Variants in ANKRD28 observed in about 807,000 individuals in gnomAD.
ANKRD28 encodes the protein ankyrin repeat domain 28, also known as serine/threonine-protein phosphatase 6 regulatory ankyrin repeat subunit A.
A neutral mutation model predicts 126.5 loss-of-function variants in ANKRD28; 44 were observed. That is an observed-to-expected ratio of 0.35 (90% confidence interval 0.27 to 0.45). The LOEUF is 0.45. ANKRD28 is among the 20% of genes least tolerant of loss of function. ANKRD28 has a pLI of 1.00. For synonymous variants in ANKRD28, 442 were observed against 468.5 expected (o/e 0.94, Z 0.73); for missense variants, 1,110 against 1,316.6 (o/e 0.84, Z 2.43).
chr3:15,796,643 G>GT lies in ANKRD28; in HGVS notation c.-123dup, dbSNP rs34139082. ...AACATTCTCTGAACAGCACAGCTGG[G>GT]TTTTTTTTTTTTTTAAAGTTAATAA... On this transcript the variant is annotated 5_prime_UTR_variant, in exon 1 of 28. Coordinates refer to ENST00000683139, the MANE Select transcript of ANKRD28 (RefSeq NM_001349278.2). The GT allele has an allele frequency of 0.13, 116,770 of 866,194 alleles. 1,001 individuals carry two copies. The highest frequency in any genetic ancestry group is 0.16 in the Middle Eastern group (277 of 1,768). 53.7% of individuals were successfully genotyped at this position (866,194 alleles called of 1,614,324 possible). A position where few individuals can be genotyped will look rare whatever the true frequency, so the allele number is the denominator to read the frequency against.
chr3:15,743,103 T>C (rs927210498), intron 4 of ANKRD28, among the ~76,000 whole-genome samples: 2 of 152,092 alleles, frequency 1.3e-5, no homozygotes, highest in African/African-American at 4.8e-5. Flanking sequence ...CTGAAACATG[T>C]GCTGTGTCCA....
intron 1 of ANKRD28, among the ~76,000 whole-genome samples, chr3:15,841,753 T>C (rs960566877): frequency 6.6e-6 from 1 of 152,166 alleles, no homozygotes; most frequent in African/African-American, 2.4e-5. Flanking sequence ...TTAAAATGGC[T>C]TTTATCCAAA....
chr3:15,823,924 G>T lies in ANKRD28; in HGVS notation c.28-28618C>A, dbSNP rs144002340. Among the ~76,000 whole-genome samples, 3 of 150,936 alleles carry T rather than the reference G, an allele frequency of 2.0e-5. No individual in the cohort carries two copies. In the East Asian group the frequency reaches 6.3e-4, roughly 31 times the overall value. On this transcript the variant is annotated intron_variant, in intron 1 of 27. Coordinates refer to the ANKRD28 transcript ENST00000399451. ...GAACTTCTTTACCATGATAAAGATC[G>T]TTTATTTAAAAACCCACAGCTAATA...
chr3:15,695,727 C>T (rs1171681792), intron 15 of ANKRD28, among the ~76,000 whole-genome samples: 1 of 152,010 alleles, frequency 6.6e-6, no homozygotes, highest in African/African-American at 2.4e-5. Flanking sequence ...GTGGAGTCTC[C>T]CTTGTTAGGA....
chr3:15,685,766 C>G (rs1245174431), intron 20 of ANKRD28, among the ~76,000 whole-genome samples: 1 of 152,106 alleles, frequency 6.6e-6, no homozygotes, highest in South Asian at 2.1e-4. Context: ...GTCAAATTGA[C>G]ATTAATTCTA....
intron 21 of ANKRD28, among the ~76,000 whole-genome samples, chr3:15,680,781 T>C (rs2067460522): frequency 6.6e-6 from 1 of 152,112 alleles, no homozygotes; most frequent in African/African-American, 2.4e-5. Flanking sequence ...TCCTCCCACC[T>C]CAGCCTCCTG....
At chr3:15,836,457 A>T (rs533854072) in intron 1 of ANKRD28, among the ~76,000 whole-genome samples, 28 of 152,164 alleles carry the variant, frequency 1.8e-4, no homozygotes, top group Non-Finnish European at 3.5e-4. Flanking sequence ...AACAAATAGC[A>T]ACTGAGATAC....
intron 18 of ANKRD28, among the ~76,000 whole-genome samples, chr3:15,687,623 G>A (rs2068285035): frequency 6.6e-6 from 1 of 151,670 alleles, no homozygotes; most frequent in Non-Finnish European, 1.5e-5. Flanking sequence ...CAAGCTAGGT[G>A]CTGAATATTC....
intron 2 of ANKRD28, among the ~76,000 whole-genome samples, chr3:15,768,862 C>T (rs1308502428): frequency 2.0e-5 from 3 of 152,028 alleles, no homozygotes; most frequent in African/African-American, 7.2e-5. Context: ...AGCACAAGAC[C>T]TTGTTTTTTA....
rs2061687982 is a variant in ANKRD28 at position 15,853,161 on chromosome 3, A to G, written c.27+6216T>C. Among the ~76,000 whole-genome samples, 1 of 152,214 alleles carries G rather than the reference A, an allele frequency of 6.6e-6. No homozygotes were observed. Among genetic ancestry groups the G allele is most frequent in the African/African-American group, 2.4e-5 (1 of 41,462 alleles). On this transcript the variant is annotated intron_variant, in intron 1 of 27. Coordinates refer to the ANKRD28 transcript ENST00000399451. The surrounding 1 kb of genome is among the most constrained non-coding windows in gnomAD (Gnocchi z 4.2). ...TAAAACATTACTGTTTTAAGTAACT[A>G]ATAATTTCATTAATTTTGGCTTTAA... is the stretch of plus-strand genomic sequence containing the variant.
intron 4 of ANKRD28, among the ~76,000 whole-genome samples, chr3:15,747,383 G>C (rs2057546411): frequency 6.6e-6 from 1 of 152,078 alleles, no homozygotes; most frequent in Non-Finnish European, 1.5e-5. Context: ...CAGAGGTTTT[G>C]ATAGGTTGTG....
chr3:15,710,711 G>T (rs2072152046), intron 12 of ANKRD28, among the ~76,000 whole-genome samples: 1 of 152,122 alleles, frequency 6.6e-6, no homozygotes, highest in African/African-American at 2.4e-5. Context: ...TTGCTCGTAT[G>T]AACCAACTGC....
At chr3:15,776,538 G>A (rs1364623779) in intron 2 of ANKRD28, among the ~76,000 whole-genome samples, 2 of 152,066 alleles carry the variant, frequency 1.3e-5, no homozygotes, top group Non-Finnish European at 2.9e-5. Context: ...TATTGCTTGG[G>A]GAAGAATAAG....
chr3:15,831,841 C>CCT (rs2061199031), intron 1 of ANKRD28, among the ~76,000 whole-genome samples: 1 of 152,160 alleles, frequency 6.6e-6, no homozygotes, highest in South Asian at 2.1e-4. Flanking sequence ...GAAGGAGAAG[C>CCT]CTCTAACAAT....
intron 5 of ANKRD28, among the ~76,000 whole-genome samples, chr3:15,735,883 T>C (rs1397704299): frequency 1.3e-5 from 2 of 152,220 alleles, no homozygotes; most frequent in Non-Finnish European, 1.5e-5. Context: ...AACACAAACA[T>C]AGTGCCTACA....
chr3:15,838,803 C>G lies in ANKRD28; in HGVS notation c.27+20574G>C, dbSNP rs2061375230. Among the ~76,000 whole-genome samples, 3 of 151,624 alleles carry G rather than the reference C, an allele frequency of 2.0e-5. No individual in the cohort carries two copies. The highest frequency in any genetic ancestry group is 2.1e-4 in the South Asian group (1 of 4,812). ...GTTAAAACGTGTCCATACACAGACT[C>G]ATACATGAATATTCATAGCAGTATT... On this transcript the variant is annotated intron_variant, in intron 1 of 27. Transcript: ENST00000399451. This position sits in a 1 kb window ranked among gnomAD's most constrained non-coding sequence, Gnocchi z 4.0.
chr3:15,705,710 T>C (rs1032651894), intron 14 of ANKRD28, among the ~76,000 whole-genome samples: 6 of 152,176 alleles, frequency 3.9e-5, no homozygotes, highest in African/African-American at 1.4e-4. Flanking sequence ...CCTTTAAGAT[T>C]AGAATTTTAG....
At position 15,679,561 on chromosome 3, in the gene ANKRD28, G is replaced by T; in HGVS notation, c.2392C>A (p.His798Asn). The change falls in exon 22 of 28, where the codon CAC becomes AAC. Residue 798 changes from histidine to asparagine, a missense_variant and splice_region_variant. By Grantham distance (68) the His-to-Asn change is moderately conservative. Coordinates refer to ENST00000683139, the MANE Select transcript of ANKRD28 (RefSeq NM_001349278.2). ...TALHWACYNG[H>N]ETCVELLLEQ... is the part of the protein sequence containing the mutation. ...AAAAGCAGTTCTACACATGTCTCGT[G>T]ACCTAAATAGGTGTAAAGAACCAGG... 1.2e-6 allele frequency: 2 copies of T among 1,608,782 alleles called. No homozygotes were observed. The highest frequency in any genetic ancestry group is 2.2e-5 in the South Asian group (2 of 90,558).
chr3:15,752,395 A>AT (rs1184072555), intron 3 of ANKRD28, among the ~76,000 whole-genome samples: 2 of 152,192 alleles, frequency 1.3e-5, no homozygotes, highest in African/African-American at 4.8e-5. Context: ...TAAGAAAGAA[A>AT]TTTTTTTAAA....
Sources: gnomAD v4.1 joint callset for allele counts (sites outside exome capture counted in the v4.1 genomes callset) on GRCh38, gnomAD v4.1.1 for gene constraint, Gnocchi (gnomAD v3.1) non-coding constraint, MANE v1.5 for transcripts, NCBI Gene and HGNC (gene_info 2026-07-23, HGNC 2026-07-21) for gene names.